Variants in DHRS7 observed in about 807,000 individuals in gnomAD.
DHRS7 encodes the protein dehydrogenase/reductase 7.
A neutral mutation model predicts 38.9 loss-of-function variants in DHRS7; 34 were observed. That is an observed-to-expected ratio of 0.87 (90% CI 0.66 to 1.16). The LOEUF is 1.16. Ranked by LOEUF, DHRS7 falls within the 50% of genes most tolerant of loss-of-function variation. DHRS7 has a pLI of 0.00. For synonymous variants in DHRS7, 158 were observed against 153.1 expected (o/e 1.03, Z -0.24); for missense variants, 421 against 407.0 (o/e 1.03, Z -0.30).
At chr14:60,160,142 A>G (rs1896734840) in intron 1 of DHRS7, among the ~76,000 whole-genome samples, 1 of 152,066 alleles carries the variant, frequency 6.6e-6, no homozygotes, top group Non-Finnish European at 1.5e-5. Context: ...CCTGGCCAAC[A>G]TGGCGAAACC....
At chr14:60,166,361 G>T, upstream of DHRS7, 1 of 679,944 alleles carries the variant, frequency 1.5e-6, no homozygotes, top group Non-Finnish European at 1.8e-6. Context: ...AGTTCTGGGC[G>T]TTGATGCAGT....
At chr14:60,152,739 T>A in intron 4 of DHRS7, 200 bp downstream of exon 4, 1 of 599,408 alleles carries the variant, frequency 1.7e-6, no homozygotes, top group East Asian at 2.8e-5. Flanking sequence ...GATACATATT[T>A]ATTTGTTCAA....
In DHRS7 at chr14:60,146,366, G is replaced by A. The variant is rs1009325786; in HGVS notation, c.973-1353C>T. 23 of 152,082 alleles carry A rather than the reference G, an allele frequency of 1.5e-4. No homozygotes were observed. In the East Asian group the frequency reaches 2.5e-3, roughly 17 times the overall value. The allele number at this position is 152,082 out of a possible 1,614,324, so 9.4% of individuals were successfully genotyped here. A position where few individuals can be genotyped will look rare whatever the true frequency, so the allele number is the denominator to read the frequency against. ...GTGGGACTGAAATTCTCTAGTCCCTGGTCCCTCTTTCCCCTTTGAAAAAAA... is the reference window on the plus strand; with the variant it reads ...GTGGGACTGAAATTCTCTAGTCCCTAGTCCCTCTTTCCCCTTTGAAAAAAA... On this transcript the variant is annotated intron_variant, in intron 6 of 6. Coordinates refer to ENST00000557185, the MANE Select transcript of DHRS7 (RefSeq NM_016029.4). The surrounding 1 kb of genome is among the most constrained non-coding windows in gnomAD (Gnocchi z 4.9).
At chr14:60,157,421 T>C (rs1190088199) in intron 1 of DHRS7, among the ~76,000 whole-genome samples, 2 of 152,222 alleles carry the variant, frequency 1.3e-5, no homozygotes, top group Admixed American at 6.5e-5. Flanking sequence ...ACAGATGGAC[T>C]TTACTACAGC....
chr14:60,156,974 A>C (rs1363303427), intron 1 of DHRS7, among the ~76,000 whole-genome samples: 1 of 152,172 alleles, frequency 6.6e-6, no homozygotes, highest in Non-Finnish European at 1.5e-5. Flanking sequence ...GATGATATTC[A>C]CTGTCTCTCT....
At position 60,154,022 on chromosome 14, in the gene DHRS7, A is replaced by G. The variant is rs1337925994; in HGVS notation, c.330T>C (p.Leu110=). The G allele has an allele frequency of 1.2e-6, 2 of 1,614,078 alleles. No individual in the cohort carries two copies. The highest frequency in any genetic ancestry group is 8.5e-7 in the Non-Finnish European group (1 of 1,179,944). Reference sequence around the variant, plus strand: ...CATGGGAACCAGTGTCGGTCAGGTCAAGGGGCAAAACAAGTATATCTTTTT... The same window carrying G: ...CATGGGAACCAGTGTCGGTCAGGTCGAGGGGCAAAACAAGTATATCTTTTT... The part of the protein sequence containing the change: ...LKEKDILVLP[L]DLTDTGSHEA... The change falls in exon 3 of 7, where the codon CTT becomes CTC. Residue 110 remains leucine (L), a synonymous_variant. Transcript: ENST00000557185.
In DHRS7 at chr14:60,145,798, C is replaced by G. The variant is rs1366119625; in HGVS notation, c.973-785G>C. The G allele has an allele frequency of 1.3e-5, 2 of 152,038 alleles. No individual in the cohort carries two copies. The highest frequency in any genetic ancestry group is 2.9e-5 in the Non-Finnish European group (2 of 67,990). 9.4% of individuals were successfully genotyped at this position (152,038 alleles called of 1,614,324 possible). A position where few individuals can be genotyped will look rare whatever the true frequency, so the allele number is the denominator to read the frequency against. ...CTTTTCAGAAGATATGCATTTACCA[C>G]TTTCAAAACTTTGCACTAAGAAAGA... On this transcript the variant is annotated intron_variant, in intron 6 of 6. Coordinates refer to ENST00000557185, the MANE Select transcript of DHRS7 (RefSeq NM_016029.4). This position sits in a 1 kb window ranked among gnomAD's most constrained non-coding sequence, Gnocchi z 4.0.
intron 4 of DHRS7, among the ~76,000 whole-genome samples, chr14:60,150,455 A>G (rs1332101120): frequency 6.6e-6 from 1 of 152,044 alleles, no homozygotes; most frequent in African/African-American, 2.4e-5. Flanking sequence ...TCCTAATGCT[A>G]TCCGTCCCCA....
rs202234162 is a variant in DHRS7, at chr14:60,156,125, C to T, written c.161G>A (p.Trp54Ter). The part of the protein sequence containing the change: ...PEWELTDMVV[W>*]VTGASSGIGE... ...AATTCCACTCGAGGCTCCAGTCACC[C>T]ACACCACCATATCAGTCAGCTCCCA... is the stretch of plus-strand genomic sequence containing the variant. The change falls in exon 2 of 7, where the codon TGG becomes TAG. Residue 54 changes from tryptophan to a stop codon, truncating the protein, a stop_gained. Transcript: ENST00000557185. LOFTEE classifies it high-confidence loss of function. 28 of 1,598,294 alleles carry T rather than the reference C, an allele frequency of 1.8e-5. No individual in the cohort carries two copies. Among genetic ancestry groups the T allele is most frequent in the Non-Finnish European group, 2.4e-5 (28 of 1,172,146 alleles).
chr14:60,156,162 G>T lies in DHRS7; in HGVS notation c.134-10C>A, dbSNP rs758362376. On this transcript the variant is annotated splice_polypyrimidine_tract_variant and intron_variant, in intron 1 of 6. Transcript: ENST00000557185. The stretch of plus-strand genomic sequence containing the variant: ...TCAGTCAGCTCCCATTCTATGGAAG[G>T]AATGTAAATGGAAGGAAGAAAATAA... 1 of 1,539,096 alleles carries T rather than the reference G, an allele frequency of 6.5e-7. No homozygotes were observed. Among genetic ancestry groups the T allele is most frequent in the Non-Finnish European group, 8.7e-7 (1 of 1,146,020 alleles).
rs2140618820 is a variant in DHRS7 at position 60,165,106 on chromosome 14, G to A, written c.133+71C>T. On this transcript the variant is annotated intron_variant, in intron 1 of 6. Coordinates refer to ENST00000557185, the MANE Select transcript of DHRS7 (RefSeq NM_016029.4). The surrounding 1 kb of genome is among the most constrained non-coding windows in gnomAD (Gnocchi z 4.6). ...GACCCGGGATCACTGCAGAACCCCCGGAGACCCGGACACGCCTCGGCAGCT... is the reference window on the plus strand; with the variant it reads ...GACCCGGGATCACTGCAGAACCCCCAGAGACCCGGACACGCCTCGGCAGCT... 1 of 1,576,172 alleles carries A rather than the reference G, an allele frequency of 6.3e-7. No individual in the cohort carries two copies.
upstream of DHRS7, chr14:60,166,416 G>C: frequency 4.5e-6 from 1 of 222,596 alleles, no homozygotes; most frequent in Non-Finnish European, 7.6e-6. Flanking sequence ...TGTGTGCTCT[G>C]ATGTCAAAGG....
chr14:60,164,178 ATTTTTTT>A lies in DHRS7; in HGVS notation c.133+992_133+998del, dbSNP rs61331316. On this transcript the variant is annotated intron_variant, in intron 1 of 6. Transcript: ENST00000557185. Reference sequence around the variant, plus strand: ...GGGGCACAAACCACTGTATTACCAGATTTTTTTTTTTTTTTTTTTTTGTCCACAGGAA... The same window carrying A: ...GGGGCACAAACCACTGTATTACCAGATTTTTTTTTTTTTTGTCCACAGGAA... Among the ~76,000 whole-genome samples, 435 of 118,914 alleles carry A rather than the reference ATTTTTTT, an allele frequency of 3.7e-3. 1 individual carries two copies. Among genetic ancestry groups the A allele is most frequent in the Non-Finnish European group, 5.6e-3 (336 of 59,932 alleles). The allele number at this position is 118,914 out of a possible 152,430, so 78.0% of individuals were successfully genotyped here.
At position 60,149,424 on chromosome 14, in the gene DHRS7, T is replaced by C; in HGVS notation, c.901A>G (p.Met301Val). The change falls in exon 6 of 7, where the codon ATG becomes GTG. Residue 301 changes from methionine to valine, a missense_variant. Met to Val is a conservative substitution (Grantham distance 21). Transcript: ENST00000557185. ...FLLVTYLWQY[M>V]PTWAWWITNK... Reference sequence around the variant, plus strand: ...GTTATCCACCAGGCCCAGGTTGGCATGTATTGCCACAAATATGTTACTAAC... The same window carrying C: ...GTTATCCACCAGGCCCAGGTTGGCACGTATTGCCACAAATATGTTACTAAC... 6 of 1,614,184 alleles carry C rather than the reference T, an allele frequency of 3.7e-6. No homozygotes were observed. The highest frequency in any genetic ancestry group is 5.1e-6 in the Non-Finnish European group (6 of 1,180,018).
intron 1 of DHRS7, among the ~76,000 whole-genome samples, chr14:60,158,303 T>C (rs1896698500): frequency 6.6e-6 from 1 of 150,412 alleles, no homozygotes; most frequent in East Asian, 2.0e-4. Flanking sequence ...TGGGCTACAA[T>C]GCTTTCCTGT....
upstream of DHRS7, among the ~76,000 whole-genome samples, chr14:60,167,113 A>G (rs1347312693): frequency 1.3e-5 from 2 of 152,222 alleles, no homozygotes; most frequent in African/African-American, 4.8e-5. Context: ...AAACAACCAG[A>G]AGAGTATAAT....
chr14:60,168,345 A>G (rs1043166053), upstream of DHRS7, among the ~76,000 whole-genome samples: 4 of 152,130 alleles, frequency 2.6e-5, no homozygotes, highest in Admixed American at 2.6e-4. Context: ...TATCTTGTCC[A>G]TGATTTAGTA....
At chr14:60,166,570 C>T (rs1299784863), upstream of DHRS7, among the ~76,000 whole-genome samples, 1 of 152,048 alleles carries the variant, frequency 6.6e-6, no homozygotes, top group South Asian at 2.1e-4. Flanking sequence ...AAGAATGTTA[C>T]TTGCAGTAAT....
In DHRS7 at chr14:60,148,972, A is replaced by G. The variant is rs1417574478; in HGVS notation, c.972+381T>C. 1 of 170,606 alleles carries G rather than the reference A, an allele frequency of 5.9e-6. No individual in the cohort carries two copies. The highest frequency in any genetic ancestry group is 2.4e-5 in the African/African-American group (1 of 41,882). The allele number at this position is 170,606 out of a possible 1,614,324, so 10.6% of individuals were successfully genotyped here. ...TATATCATGAGATTGGTGGAGGGTT[A>G]GAAAGGTTTTTTGATTTTGAAATAG... On this transcript the variant is annotated intron_variant, in intron 6 of 6. Transcript: ENST00000557185. The surrounding 1 kb of genome is among the most constrained non-coding windows in gnomAD (Gnocchi z 4.8).
Sources: allele counts gnomAD v4.1 joint callset (sites outside exome capture counted in the v4.1 genomes callset), GRCh38; gene constraint gnomAD v4.1.1; non-coding constraint Gnocchi (gnomAD v3.1); transcripts MANE v1.5; gene names NCBI Gene and HGNC (gene_info 2026-07-23, HGNC 2026-07-21).